Variants in ODC1 observed in about 807,000 individuals in gnomAD.
ODC1 encodes the protein ornithine decarboxylase 1.
ODC1 carries 18 observed loss-of-function variants against 41.5 expected under a neutral mutation model. That is an observed-to-expected ratio of 0.43 (90% CI 0.30 to 0.64). The LOEUF (loss-of-function observed/expected upper bound fraction) is 0.64, where lower values mean the gene tolerates loss of function less well. Ranked by LOEUF, ODC1 falls within the 30% of genes least tolerant of loss-of-function variation. The pLI, the probability that ODC1 is intolerant of heterozygous loss-of-function variation, is 0.11. For missense variants in ODC1, 504 were observed against 589.0 expected (o/e 0.86, Z 1.49); for synonymous variants, 218 against 211.6 (o/e 1.03, Z -0.26).
chr2:10,441,706 C>G lies in ODC1; in HGVS notation c.1044G>C (p.Glu348Asp). The G allele has an allele frequency of 6.2e-7, 1 of 1,614,196 alleles. No homozygotes were observed. The highest frequency in any genetic ancestry group is 8.5e-7 in the Non-Finnish European group (1 of 1,180,030). ...PLLQKRPKPD[E>D]KYYSSSIWGP... ...CCCATATGCTGGATGAATAATACTT[C>G]TCATCTGGTTTAGGTCTCTATATAA... Residue 348 changes from glutamate (E) to aspartate (D), a missense_variant, in exon 11 of 12, where the codon GAG becomes GAC. Physicochemically the swap from Glu to Asp is conservative, Grantham distance 45 (BLOSUM62 2). This residue lies in a region of ODC1 where 447 missense variants were observed against 524.4 expected (regional missense o/e 0.85). Transcript: ENST00000234111.
In ODC1 at chr2:10,440,816, G is replaced by C; in HGVS notation, c.1294C>G (p.Gln432Glu). The change falls in exon 12 of 12, where the codon CAG (glutamine) becomes GAG (glutamate). Residue 432 changes from glutamine to glutamate, a missense_variant. Around this residue, in one of 3 missense-constraint regions of ODC1, gnomAD observed 447 missense variants for 524.4 expected, o/e 0.85. Transcript: ENST00000234111. ...NPDFPPEVEEQDASTLPVSCA... is the reference protein window; with the variant it reads ...NPDFPPEVEEEDASTLPVSCA... Reference sequence around the variant, plus strand: ...GACACAGGCAGGGTGCTGGCATCCTGTTCCTCTACTTCGGGTGGGAAGTCG... The same window carrying C: ...GACACAGGCAGGGTGCTGGCATCCTCTTCCTCTACTTCGGGTGGGAAGTCG... 1 of 1,614,116 alleles carries C rather than the reference G, an allele frequency of 6.2e-7. No individual in the cohort carries two copies. The highest frequency in any genetic ancestry group is 8.5e-7 in the Non-Finnish European group (1 of 1,180,002).
intron 4 of ODC1, 28 bp from the exon 5 acceptor site, chr2:10,444,295 T>TC (rs1671940078): frequency 6.4e-7 from 1 of 1,555,112 alleles, no homozygotes; most frequent in Non-Finnish European, 8.7e-7. Flanking sequence ...TGTCATGCTA[T>TC]CCATATGTGG....
chr2:10,441,650 A>T lies in ODC1; in HGVS notation c.1100T>A (p.Val367Asp). Reference sequence around the variant, plus strand: ...CATTTCAGGCAGGTCACAGCGCTCAACAATCCGATCGAGGCCATCACATGT... The same window carrying T: ...CATTTCAGGCAGGTCACAGCGCTCATCAATCCGATCGAGGCCATCACATGT... ...GPTCDGLDRI[V>D]ERCDLPEMHV... is the part of the protein sequence containing the mutation. The change falls in exon 11 of 12, where the codon GTT (valine) becomes GAT (aspartate). Residue 367 changes from valine (V) to aspartate (D), a missense_variant. This residue lies in a region of ODC1 where 447 missense variants were observed against 524.4 expected (regional missense o/e 0.85). Coordinates refer to ENST00000234111, the MANE Select transcript of ODC1 (RefSeq NM_002539.3). 6.2e-7 allele frequency: 1 copy of T among 1,614,256 alleles called. No homozygotes were observed. The highest frequency in any genetic ancestry group is 8.5e-7 in the Non-Finnish European group (1 of 1,180,056).
At position 10,444,629 on chromosome 2, in the gene ODC1, A is replaced by T. The variant is rs765667335; in HGVS notation, c.121T>A (p.Tyr41Asn). 2 of 1,613,396 alleles carry T rather than the reference A, an allele frequency of 1.2e-6. No homozygotes were observed. The highest frequency in any genetic ancestry group is 1.7e-5 in the Admixed American group (1 of 59,954). The change falls in exon 4 of 12, where the codon TAT (tyrosine) becomes AAT (asparagine). Residue 41 changes from tyrosine (Y) to asparagine (N), a missense_variant. By Grantham distance (143) the Tyr-to-Asn change is moderately radical. Coordinates refer to ENST00000234111, the MANE Select transcript of ODC1 (RefSeq NM_002539.3). ...VSSSDDKDAF[Y>N]VADLGDILKK... ...AGAATGTCTCCCAGGTCTGCCACATAGAAGGCATCCTTATCATCCTGAAAC... is the reference window on the plus strand; with the variant it reads ...AGAATGTCTCCCAGGTCTGCCACATTGAAGGCATCCTTATCATCCTGAAAC...
chr2:10,440,961 T>TA, intron 11 of ODC1, 93 bp from the exon 12 acceptor site: 1 of 561,142 alleles, frequency 1.8e-6, no homozygotes, highest in Non-Finnish European at 2.4e-6. Flanking sequence ...ATTCAATGTA[T>TA]TTTTTTTTTT....
chr2:10,441,533 T>A lies in ODC1; in HGVS notation c.1217A>T (p.Tyr406Phe). The change falls in exon 11 of 12, where the codon TAC (tyrosine) becomes TTC (phenylalanine). Residue 406 changes from tyrosine (Y) to phenylalanine (F), a missense_variant. Transcript: ENST00000234111. ...TFNGFQRPTI[Y>F]YVMSGPAWQL... Reference sequence around the variant, plus strand: ...CCACGCAGGCCCTGACATCACATAGTAGATCGTCGGCCTCTGGAAGCCATT... The same window carrying A: ...CCACGCAGGCCCTGACATCACATAGAAGATCGTCGGCCTCTGGAAGCCATT... 2 of 1,614,090 alleles carry A rather than the reference T, an allele frequency of 1.2e-6. No homozygotes were observed. Among genetic ancestry groups the A allele is most frequent in the African/African-American group, 1.3e-5 (1 of 75,052 alleles).
At chr2:10,444,357 C>T (rs976682068) in intron 4 of ODC1, 90 bp from the exon 5 acceptor site, 19 of 1,507,060 alleles carry the variant, frequency 1.3e-5, no homozygotes, top group Admixed American at 4.3e-5. Flanking sequence ...TGTACCCCCC[C>T]GCCCCATTTG....
At position 10,440,370 on chromosome 2, in the gene ODC1, A is replaced by G; in HGVS notation, c.*354T>C. On this transcript the variant is annotated 3_prime_UTR_variant, in exon 12 of 12. Transcript: ENST00000234111. Reference sequence around the variant, plus strand: ...ACTGTCTGGAATGAACACACCATAAAAACGTCCCAATGCCTAATTATTTCA... The same window carrying G: ...ACTGTCTGGAATGAACACACCATAAGAACGTCCCAATGCCTAATTATTTCA... The G allele has an allele frequency of 5.3e-6, 1 of 188,326 alleles. No homozygotes were observed. Among genetic ancestry groups the G allele is most frequent in the Non-Finnish European group, 1.1e-5 (1 of 89,890 alleles). The allele number at this position is 188,326 out of a possible 1,614,324, so 11.7% of individuals were successfully genotyped here. A position where few individuals can be genotyped will look rare whatever the true frequency, so the allele number is the denominator to read the frequency against.
chr2:10,444,668 G>T, intron 3 of ODC1, 21 bp from the exon 4 acceptor site: 1 of 1,602,622 alleles, frequency 6.2e-7, no homozygotes, highest in Non-Finnish European at 8.5e-7. Context: ...AGTGGTCACA[G>T]GTGACTCACT....
chr2:10,445,294 T>C (rs1465392550), intron 1 of ODC1, 30 bp from the exon 2 acceptor site: 1 of 390,408 alleles, frequency 2.6e-6, no homozygotes, highest in Non-Finnish European at 4.8e-6. Flanking sequence ...ATTTGCTGTC[T>C]ACCTTAGGAA....
At chr2:10,443,348 G>A in intron 7 of ODC1, 35 bp from the exon 8 acceptor site, 1 of 1,593,216 alleles carries the variant, frequency 6.3e-7, no homozygotes. Flanking sequence ...CAGATCCACA[G>A]CTAATAACAA....
In ODC1 at chr2:10,440,238, T is replaced by C. The variant is rs28362419; in HGVS notation, c.*486A>G. Reference sequence around the variant, plus strand: ...GGGTGGGCTGAGCAGATGTGCACCGTCCACATGGGAGGATGGGGCTTCCGT... The same window carrying C: ...GGGTGGGCTGAGCAGATGTGCACCGCCCACATGGGAGGATGGGGCTTCCGT... On this transcript the variant is annotated 3_prime_UTR_variant, in exon 12 of 12. Coordinates refer to ENST00000234111, the MANE Select transcript of ODC1 (RefSeq NM_002539.3). The C allele has an allele frequency of 6.5e-3, 1,019 of 156,334 alleles. 8 individuals are homozygous for C. The highest frequency in any genetic ancestry group is 0.011 in the Admixed American group (173 of 15,814). 9.7% of individuals were successfully genotyped at this position (156,334 alleles called of 1,614,324 possible).
At chr2:10,446,735 G>A in intron 1 of ODC1, 7 of 474,310 alleles carry the variant, frequency 1.5e-5, no homozygotes, top group South Asian at 1.1e-4. Flanking sequence ...CCACTTCAGT[G>A]CCAGCAGCCT....
At chr2:10,443,878 T>A in intron 5 of ODC1, 42 bp from the exon 6 acceptor site, 1 of 1,608,188 alleles carries the variant, frequency 6.2e-7, no homozygotes, top group Non-Finnish European at 8.5e-7. Flanking sequence ...ATGATAGATG[T>A]TCACTTATAG....
At position 10,448,320 on chromosome 2, in the gene ODC1, G is replaced by T. The variant is rs975629642; in HGVS notation, c.-327C>A. 7.5e-6 allele frequency: 2 copies of T among 265,860 alleles called. No homozygotes were observed. The highest frequency in any genetic ancestry group is 1.4e-5 in the Non-Finnish European group (2 of 141,074). The allele number at this position is 265,860 out of a possible 1,614,324, so 16.5% of individuals were successfully genotyped here. ...GCGGCGGCGGCGGCGGCTACAGGAG[G>T]GACTGACAAAGCCCCACGGCACGCC... On this transcript the variant is annotated 5_prime_UTR_variant, in exon 1 of 12. Coordinates refer to ENST00000234111, the MANE Select transcript of ODC1 (RefSeq NM_002539.3).
intron 7 of ODC1, 42 bp downstream of exon 7, chr2:10,443,448 A>T (rs1423279863): frequency 1.3e-6 from 2 of 1,589,474 alleles, no homozygotes; most frequent in Non-Finnish European, 1.7e-6. Context: ...AGTTATTGTC[A>T]GTTGTGTCCC....
In ODC1 at chr2:10,440,805, G is replaced by T; in HGVS notation, c.1305C>A (p.Ser435Arg). ...FPPEVEEQDA[S>R]TLPVSCAWES... ...CCCAGGCACAAGACACAGGCAGGGTGCTGGCATCCTGTTCCTCTACTTCGG... is the reference window on the plus strand; with the variant it reads ...CCCAGGCACAAGACACAGGCAGGGTTCTGGCATCCTGTTCCTCTACTTCGG... Residue 435 changes from serine to arginine, a missense_variant, in exon 12 of 12, where the codon AGC (serine) becomes AGA (arginine). By Grantham distance (110) the Ser-to-Arg change is moderately radical (BLOSUM62 -1). Coordinates refer to ENST00000234111, the MANE Select transcript of ODC1 (RefSeq NM_002539.3). 1 of 1,614,078 alleles carries T rather than the reference G, an allele frequency of 6.2e-7. No individual in the cohort carries two copies. Among genetic ancestry groups the T allele is most frequent in the Non-Finnish European group, 8.5e-7 (1 of 1,180,008 alleles).
intron 1 of ODC1, 77 bp from the exon 2 acceptor site, chr2:10,445,341 C>T (rs748462502): frequency 9.3e-6 from 3 of 321,402 alleles, no homozygotes; most frequent in Middle Eastern, 1.1e-3. Context: ...GCTGAGCACA[C>T]GCAGAGCTAA....
rs1032229455 is a variant in ODC1 at position 10,440,602 on chromosome 2, C to G, written c.*122G>C. On this transcript the variant is annotated 3_prime_UTR_variant, in exon 12 of 12. Coordinates refer to ENST00000234111, the MANE Select transcript of ODC1 (RefSeq NM_002539.3). ...ACCCATATCCTAGTCTTCCATATGG[C>G]TGCATCATGGCGACCCTACTCTTAC... 4.2e-5 allele frequency: 39 copies of G among 924,192 alleles called. No individual in the cohort carries two copies. Among genetic ancestry groups the G allele is most frequent in the Non-Finnish European group, 5.9e-5 (36 of 615,342 alleles). The allele number at this position is 924,192 out of a possible 1,614,324, so 57.2% of individuals were successfully genotyped here. A position where few individuals can be genotyped will look rare whatever the true frequency, so the allele number is the denominator to read the frequency against.
Sources: gnomAD v4.1 joint callset for allele counts on GRCh38, gnomAD v4.1.1 for gene constraint, gnomAD v4.1.1 regional missense constraint, MANE v1.5 for transcripts, NCBI Gene and HGNC (gene_info 2026-07-23, HGNC 2026-07-21) for gene names.